Variants in GPC5 observed in about 807,000 individuals in gnomAD.
GPC5 encodes glypican-5.
Under a neutral mutation model 53.9 loss-of-function variants are expected in GPC5, and 47 were observed. That is an observed-to-expected ratio of 0.87 (90% confidence interval 0.69 to 1.11). The LOEUF is 1.11. Ranked by LOEUF, GPC5 falls within the 50% of genes most tolerant of loss-of-function variation. The probability of loss-of-function intolerance (pLI) is 0.00; values close to 1 mark genes in which losing one functional copy is unlikely to be tolerated. For synonymous variants in GPC5, 286 were observed against 263.3 expected (o/e 1.09, Z -0.84); for missense variants, 748 against 713.1 (o/e 1.05, Z -0.56).
rs185178593 is a variant in GPC5 at position 92,749,302 on chromosome 13, A to G, written c.1562-116980A>G. ...TTTTCAATATATTATGTATAATATA[A>G]TGTTTTACATCATTGCTAGGTATTT... On this transcript the variant is annotated intron_variant, in intron 7 of 7. Transcript: ENST00000377067. Among the ~76,000 whole-genome samples the G allele has an allele frequency of 1.2e-3, 184 of 152,234 alleles. 1 individual carries two copies. The highest frequency in any genetic ancestry group is 4.3e-3 in the African/African-American group (180 of 41,558).
chr13:91,520,187 G>A (rs1267681522), intron 2 of GPC5, among the ~76,000 whole-genome samples: 1 of 152,106 alleles, frequency 6.6e-6, no homozygotes, highest in African/African-American at 2.4e-5. Context: ...AATATAAATT[G>A]ATTTTAAAGA....
chr13:92,277,561 T>C (rs1442510665), intron 7 of GPC5, among the ~76,000 whole-genome samples: 1 of 152,012 alleles, frequency 6.6e-6, no homozygotes, highest in East Asian at 1.9e-4. Context: ...GATGATGCAT[T>C]TCCTCCTCTG....
At chr13:92,249,499 T>A (rs544840561) in intron 7 of GPC5, among the ~76,000 whole-genome samples, 78 of 152,236 alleles carry the variant, frequency 5.1e-4, no homozygotes, top group South Asian at 1.0e-3. Flanking sequence ...TTGGTCCAGA[T>A]AAGCAGAAGT....
At chr13:92,119,389 A>G (rs1304034694) in intron 6 of GPC5, among the ~76,000 whole-genome samples, 1 of 86,666 alleles carries the variant, frequency 1.2e-5, no homozygotes, top group Non-Finnish European at 2.3e-5. Flanking sequence ...TTAGGATTTT[A>G]GTTTTTTTTT....
At chr13:92,058,072 G>A (rs1396543313) in intron 6 of GPC5, among the ~76,000 whole-genome samples, 1 of 152,196 alleles carries the variant, frequency 6.6e-6, no homozygotes, top group Non-Finnish European at 1.5e-5. Flanking sequence ...ATGAATTCCA[G>A]AGACACATGA....
chr13:92,633,080 G>A (rs866084093), intron 7 of GPC5, among the ~76,000 whole-genome samples: 11 of 151,980 alleles, frequency 7.2e-5, no homozygotes, highest in East Asian at 1.9e-4. Context: ...TAGTAAAGAC[G>A]GGGTTTCACC....
chr13:91,830,849 TATATATCCTATTATATATA>T (rs2038646027), intron 5 of GPC5, among the ~76,000 whole-genome samples: 1 of 128,254 alleles, frequency 7.8e-6, no homozygotes, highest in African/African-American at 2.9e-5. Flanking sequence ...ATATATAATA[TATATATCCTATTATATATA>T]ATATATATCC....
At chr13:91,854,703 AT>A (rs1252158571) in intron 5 of GPC5, among the ~76,000 whole-genome samples, 1 of 151,850 alleles carries the variant, frequency 6.6e-6, no homozygotes, top group Non-Finnish European at 1.5e-5. Flanking sequence ...AATTAAATTC[AT>A]TTTTAATAAA....
intron 2 of GPC5, among the ~76,000 whole-genome samples, chr13:91,570,715 C>T (rs2031742599): frequency 6.6e-6 from 1 of 152,088 alleles, no homozygotes. Flanking sequence ...TATGATTTTT[C>T]TCTGTGCTAT....
Position 92,492,730 on chromosome 13 carries a change from A to G in GPC5, c.1561+347741A>G, listed in dbSNP as rs1401196346. Reference sequence around the variant, plus strand: ...CTTCCTTAGGAAAGCCAGGTGAATAAAAATGAATATTCATGAATTTGTTGA... The same window carrying G: ...CTTCCTTAGGAAAGCCAGGTGAATAGAAATGAATATTCATGAATTTGTTGA... On this transcript the variant is annotated intron_variant, in intron 7 of 7. Coordinates refer to ENST00000377067, the MANE Select transcript of GPC5 (RefSeq NM_004466.6). Among the ~76,000 whole-genome samples, 3 of 152,322 alleles carry G rather than the reference A, an allele frequency of 2.0e-5. No homozygotes were observed. The East Asian group carries it at 5.8e-4, about 29-fold the overall frequency.
At chr13:92,642,278 G>A (rs114909293) in intron 7 of GPC5, among the ~76,000 whole-genome samples, 4,194 of 152,208 alleles carry the variant, frequency 0.028, 193 homozygotes, top group African/African-American at 0.095. Flanking sequence ...CAGCAGGATA[G>A]CAGATGTCTC....
At chr13:92,512,321 C>T (rs1358944003) in intron 7 of GPC5, among the ~76,000 whole-genome samples, 1 of 151,990 alleles carries the variant, frequency 6.6e-6, no homozygotes, top group African/African-American at 2.4e-5. Context: ...TTCCGAGTCA[C>T]CTTAAGTACT....
intron 5 of GPC5, among the ~76,000 whole-genome samples, chr13:91,757,084 T>C (rs1332378349): frequency 3.9e-5 from 6 of 152,110 alleles, no homozygotes; most frequent in Admixed American, 3.9e-4. Flanking sequence ...TCTTTTCCTT[T>C]ATTTCCTATA....
chr13:92,027,354 A>C (rs1332513628), intron 6 of GPC5, among the ~76,000 whole-genome samples: 1 of 152,188 alleles, frequency 6.6e-6, no homozygotes, highest in Non-Finnish European at 1.5e-5. Context: ...CTTTAAGCAA[A>C]GTGATGTAAA....
rs548713955 is a variant in GPC5 at position 92,522,379 on chromosome 13, C to A, written c.1562-343903C>A. ...ACTTGGAACCAATCCAAATGTCCAT[C>A]AATAATAGACTGGATTAAGAAAATG... On this transcript the variant is annotated intron_variant, in intron 7 of 7. Transcript: ENST00000377067. Among the ~76,000 whole-genome samples the A allele has an allele frequency of 3.9e-5, 6 of 152,182 alleles. No individual in the cohort carries two copies. The South Asian group carries it at 1.2e-3, about 32-fold the overall frequency.
At chr13:92,096,242 T>C (rs1410963484) in intron 6 of GPC5, among the ~76,000 whole-genome samples, 4 of 152,260 alleles carry the variant, frequency 2.6e-5, no homozygotes, top group Non-Finnish European at 1.5e-5. Context: ...CCGACTCCAC[T>C]AACTCTCCCC....
chr13:91,613,826 A>C (rs2033624968), intron 2 of GPC5, among the ~76,000 whole-genome samples: 2 of 152,192 alleles, frequency 1.3e-5, no homozygotes, highest in South Asian at 4.1e-4. Context: ...ACTGAAACAA[A>C]GGGAGTGGCT....
At chr13:92,277,068 G>T (rs895535527) in intron 7 of GPC5, among the ~76,000 whole-genome samples, 1 of 151,546 alleles carries the variant, frequency 6.6e-6, no homozygotes, top group African/African-American at 2.4e-5. Flanking sequence ...ATTCACATAG[G>T]TTCCAATTAT....
chr13:92,323,427 A>G lies in GPC5; in HGVS notation c.1561+178438A>G, dbSNP rs73629664. Among the ~76,000 whole-genome samples the G allele has an allele frequency of 1.0e-2, 1,506 of 150,888 alleles. 17 individuals are homozygous for G. Among genetic ancestry groups the G allele is most frequent in the African/African-American group, 0.034 (1,405 of 41,380 alleles). On this transcript the variant is annotated intron_variant, in intron 7 of 7. Transcript: ENST00000377067. ...ATGTATTTTTCGTAAAATATGGGGA[A>G]AAAATACCTATTAACTAGTTTGAAC...
Sources: gnomAD v4.1 joint callset for allele counts (sites outside exome capture counted in the v4.1 genomes callset) on GRCh38, gnomAD v4.1.1 for gene constraint, MANE v1.5 for transcripts, NCBI Gene and HGNC (gene_info 2026-07-23, HGNC 2026-07-21) for gene names.